Variants in HTT observed in about 807,000 individuals in gnomAD.
HTT encodes the protein huntingtin.
HTT carries 104 observed loss-of-function variants against 362.3 expected under a neutral mutation model. That is an observed-to-expected ratio of 0.29 (90% CI 0.24 to 0.34). The LOEUF (loss-of-function observed/expected upper bound fraction) is 0.34, where lower values mean the gene tolerates loss of function less well. Among genes scored for constraint, HTT ranks in the 10% least tolerant of loss-of-function variants. The probability of loss-of-function intolerance (pLI) is 1.00; values close to 1 mark genes in which losing one functional copy is unlikely to be tolerated. For missense variants in HTT, 3,301 were observed against 3,928.6 expected, an observed-to-expected ratio of 0.84 and a Z score of 4.27; for synonymous variants, 1,577 against 1,548.7, an observed-to-expected ratio of 1.02 and a Z score of -0.43.
chr4:3,227,045 AC>A, intron 57 of HTT, among the ~76,000 whole-genome samples: 1 of 152,352 alleles, frequency 6.6e-6, no homozygotes, highest in East Asian at 1.9e-4. Context: ...CCTGGGGCTC[AC>A]TGGGTGCCTC....
intron 7 of HTT, 145 bp from the exon 8 acceptor site, chr4:3,115,940 T>C (rs2110172170): frequency 1.4e-6 from 1 of 740,408 alleles, no homozygotes; most frequent in Non-Finnish European, 2.3e-6. Context: ...TGTGTAGCCA[T>C]TCCCAGTGGG....
rs1719452166 is a variant in HTT at position 3,199,884 on chromosome 4, C to T, written c.5521C>T (p.Leu1841=). The change falls in exon 41 of 67, where the codon CTG becomes TTG. Residue 1841 remains leucine, a synonymous_variant. Coordinates refer to ENST00000355072, the MANE Select transcript of HTT (RefSeq NM_001388492.1). ...GGTGCTGCTCTGGTGTCAGATACTG[C>T]TGCTTGTCAACCACACCGACTACCG... ...ALVLLWCQIL[L]LVNHTDYRWW... is the part of the protein sequence containing the mutation. 2 of 1,614,038 alleles carry T rather than the reference C, an allele frequency of 1.2e-6. No individual in the cohort carries two copies. The highest frequency in any genetic ancestry group is 1.7e-5 in the Admixed American group (1 of 60,000).
rs532273033 is a variant in HTT, at chr4:3,208,808, G to A, written c.6188G>A (p.Arg2063His). 1.1e-5 allele frequency: 17 copies of A among 1,613,426 alleles called. No individual in the cohort carries two copies. The highest frequency in any genetic ancestry group is 1.0e-4 in the Admixed American group (6 of 59,936). Residue 2063 changes from arginine (R) to histidine (H), a missense_variant, in exon 46 of 67, where the codon CGT (arginine) becomes CAT (histidine). Around this residue, in one of 4 missense-constraint regions of HTT, gnomAD observed 2,316 missense variants for 2,658.5 expected, o/e 0.87. Transcript: ENST00000355072. ...QRLYSLLDRF[R>H]LSTMQDSLSP... ...CTCTATTCCCTGCTGGACAGGTTTC[G>A]TCTCTCCACCATGCAAGACTCACTT...
At chr4:3,136,460 C>A in intron 21 of HTT, 134 bp downstream of exon 21, 1 of 453,476 alleles carries the variant, frequency 2.2e-6, no homozygotes, top group South Asian at 6.0e-5. Flanking sequence ...CCATTCTATT[C>A]TTAAACTATA....
intron 40 of HTT, among the ~76,000 whole-genome samples, chr4:3,196,635 A>G (rs989514162): frequency 3.3e-5 from 5 of 151,824 alleles, no homozygotes; most frequent in African/African-American, 1.2e-4. Context: ...CTACTCAGGA[A>G]CCTGAGACAG....
At chr4:3,150,248 G>A (rs898291238) in intron 26 of HTT, among the ~76,000 whole-genome samples, 1 of 152,216 alleles carries the variant, frequency 6.6e-6, no homozygotes, top group Non-Finnish European at 1.5e-5. Flanking sequence ...ACATATAGCT[G>A]TTGAGCCCTT....
rs363132 is a variant in HTT, at chr4:3,179,198, T to C, written c.4612+752T>C. On this transcript the variant is annotated intron_variant, in intron 35 of 66. Coordinates refer to ENST00000355072, the MANE Select transcript of HTT (RefSeq NM_001388492.1). ...GTGCAGAAGAGCATCAACCGGGCTG[T>C]GTTGCGAGGCAGGGCCTTGGCTGAC... 6.2e-3 allele frequency among the ~76,000 whole-genome samples: 940 copies of C among 152,238 alleles called. 11 individuals are homozygous for C. Among genetic ancestry groups the C allele is most frequent in the African/African-American group, 0.021 (884 of 41,536 alleles).
At chr4:3,190,355 C>CAA (rs112330064) in intron 40 of HTT, among the ~76,000 whole-genome samples, 16,885 of 131,978 alleles carry the variant, frequency 0.13, 1,089 homozygotes, top group Middle Eastern at 0.21. Context: ...AAAAAAAATC[C>CAA]AAAAAAAAAA....
At position 3,105,419 on chromosome 4, in the gene HTT, TC is replaced by T; in HGVS notation, c.592del (p.Arg198GlyfsTer10). ...GGTTTGCTGAGCTGGCTCACCTGGT[TC>T]GGCCTCAGAAATGCAGGTAAGTTGT... ...WRFAELAHLV[R>X]PQKCRPYLVN... is the part of the protein sequence containing the mutation. On this transcript the variant is annotated frameshift_variant, in exon 5 of 67. Transcript: ENST00000355072. LOFTEE classifies it high-confidence loss of function. The T allele has an allele frequency of 6.2e-7, 1 of 1,613,546 alleles. No individual in the cohort carries two copies. The highest frequency in any genetic ancestry group is 8.5e-7 in the Non-Finnish European group (1 of 1,179,454).
intron 8 of HTT, among the ~76,000 whole-genome samples, chr4:3,119,248 T>TCTCC (rs1715179032): frequency 6.6e-6 from 1 of 152,166 alleles, no homozygotes; most frequent in Non-Finnish European, 1.5e-5. Context: ...ATGCATATAT[T>TCTCC]ATCAACAAGG....
chr4:3,235,408 C>A lies in HTT; in HGVS notation c.8571+10C>A. 1 of 1,565,632 alleles carries A rather than the reference C, an allele frequency of 6.4e-7. No homozygotes were observed. Among genetic ancestry groups the A allele is most frequent in the Non-Finnish European group, 8.8e-7 (1 of 1,135,742 alleles). On this transcript the variant is annotated intron_variant, in intron 62 of 66. Transcript: ENST00000355072. ...AGCATCAATAATACAGGTGAGTGGG[C>A]CCTGGCTGTCTTCCTCTGCACACGG...
intron 61 of HTT, among the ~76,000 whole-genome samples, chr4:3,233,558 C>T (rs1268428643): frequency 6.6e-6 from 1 of 152,216 alleles, no homozygotes; most frequent in Non-Finnish European, 1.5e-5. Context: ...CTCCAGCGAG[C>T]TGGAGCTCTC....
intron 61 of HTT, among the ~76,000 whole-genome samples, chr4:3,234,024 A>G (rs994760856): frequency 2.6e-5 from 4 of 152,204 alleles, no homozygotes; most frequent in Admixed American, 1.3e-4. Flanking sequence ...TCAGCCACCC[A>G]CATGGGGGAG....
chr4:3,108,401 A>G (rs1714549084), intron 6 of HTT, among the ~76,000 whole-genome samples: 1 of 150,566 alleles, frequency 6.6e-6, no homozygotes. Context: ...CATGCTCAGT[A>G]AATGGTAGTT....
chr4:3,131,532 G>A (rs1291410997), intron 15 of HTT, 106 bp from the exon 16 acceptor site: 15 of 1,529,452 alleles, frequency 9.8e-6, no homozygotes, highest in Non-Finnish European at 1.4e-5. Flanking sequence ...CTAGCCGAGG[G>A]GAGGGAGGAA....
At position 3,212,051 on chromosome 4, in the gene HTT, C is replaced by T. The variant is rs1209937302; in HGVS notation, c.6537C>T (p.Thr2179=). The change falls in exon 48 of 67, where the codon ACC becomes ACT. Residue 2179 remains threonine (T), a synonymous_variant. Coordinates refer to ENST00000355072, the MANE Select transcript of HTT (RefSeq NM_001388492.1). ...TGACTCTGGCCCGTGTGAGCGGCAC[C>T]GTGCAGCAGCTCCCTGCTGTCCATC... ...REVTLARVSG[T]VQQLPAVHHV... is the part of the protein sequence containing the mutation. 2.5e-5 allele frequency: 41 copies of T among 1,614,052 alleles called. No individual in the cohort carries two copies. The highest frequency in any genetic ancestry group is 3.2e-5 in the Non-Finnish European group (38 of 1,180,046).
chr4:3,147,000 T>G (rs1420745694), intron 25 of HTT, 52 bp downstream of exon 25: 1 of 1,564,822 alleles, frequency 6.4e-7, no homozygotes. Context: ...TTTGATTTCC[T>G]TAGGGGGAAT....
intron 59 of HTT, among the ~76,000 whole-genome samples, chr4:3,229,308 ACACACACACACAC>A (rs1173265435): frequency 2.8e-5 from 4 of 142,646 alleles, no homozygotes; most frequent in Non-Finnish European, 4.6e-5. Flanking sequence ...TGCACCACAC[ACACACACACACAC>A]CACACACACC....
At chr4:3,086,793 C>G (rs1349859544) in intron 1 of HTT, 146 bp from the exon 2 acceptor site, 1 of 539,274 alleles carries the variant, frequency 1.9e-6, no homozygotes, top group Non-Finnish European at 3.4e-6. Flanking sequence ...CTTCCCTGTC[C>G]AGATCCCCAT....
Sources: allele counts gnomAD v4.1 joint callset (sites outside exome capture counted in the v4.1 genomes callset), GRCh38; gene constraint gnomAD v4.1.1; regional missense constraint gnomAD v4.1.1; transcripts MANE v1.5; gene names NCBI Gene and HGNC (gene_info 2026-07-23, HGNC 2026-07-21).